SLC27A1: variants seen among roughly 807,000 people sequenced by gnomAD.
SLC27A1 encodes the protein solute carrier family 27 member 1.
SLC27A1 carries 61 observed loss-of-function variants against 62.2 expected under a neutral mutation model. The observed-to-expected ratio is 0.98, with a 90% CI of 0.80 to 1.21. The LOEUF (loss-of-function observed/expected upper bound fraction) is 1.21. Ranked by LOEUF, SLC27A1 falls within the 50% of genes most tolerant of loss-of-function variation. The pLI is 0.00. For missense variants in SLC27A1, 903 were observed against 932.1 expected (o/e 0.97, Z 0.41); for synonymous variants, 435 against 408.6 (o/e 1.06, Z -0.78).
intron 6 of SLC27A1, among the ~76,000 whole-genome samples, chr19:17,493,915 A>T (rs2075321142): frequency 6.6e-6 from 1 of 151,806 alleles, no homozygotes; most frequent in Non-Finnish European, 1.5e-5. Flanking sequence ...CATGAGCCAC[A>T]GCAGCCGGCT....
In SLC27A1 at chr19:17,486,414, C is replaced by T. The variant is rs2075229584; in HGVS notation, c.168-149C>T. ...TGGTAAATGGCCCTTGCCCTTGGTC[C>T]ACTGAGAGATCCAGCCACCAAAAGT... On this transcript the variant is annotated intron_variant, in intron 1 of 11. Coordinates refer to ENST00000252595, the MANE Select transcript of SLC27A1 (RefSeq NM_198580.3). The surrounding 1 kb of genome is among the most constrained non-coding windows in gnomAD (Gnocchi z 6.6). 6 of 934,846 alleles carry T rather than the reference C, an allele frequency of 6.4e-6. No individual in the cohort carries two copies. Among genetic ancestry groups the T allele is most frequent in the Non-Finnish European group, 1.6e-6 (1 of 645,052 alleles). The allele number at this position is 934,846 out of a possible 1,614,324, so 57.9% of individuals were successfully genotyped here. A position where few individuals can be genotyped will look rare whatever the true frequency, so the allele number is the denominator to read the frequency against.
At chr19:17,490,868 A>G (rs1568418461) in intron 6 of SLC27A1, among the ~76,000 whole-genome samples, 1 of 151,880 alleles carries the variant, frequency 6.6e-6, no homozygotes, top group African/African-American at 2.4e-5. Flanking sequence ...TCTCTACTAA[A>G]AATACAGAAA....
intron 6 of SLC27A1, among the ~76,000 whole-genome samples, chr19:17,493,896 G>T (rs1903279208): frequency 6.6e-6 from 1 of 152,100 alleles, no homozygotes; most frequent in African/African-American, 2.4e-5. Flanking sequence ...AAACTGCTGG[G>T]ATTACAGCCA....
At chr19:17,470,467 C>T, upstream of SLC27A1, 1 of 1,347,566 alleles carries the variant, frequency 7.4e-7, no homozygotes, top group Non-Finnish European at 9.5e-7. Flanking sequence ...GAGGCGGGGG[C>T]GGTCGTGGGG....
At chr19:17,477,011 C>T (rs775771071) in intron 1 of SLC27A1, among the ~76,000 whole-genome samples, 13 of 150,708 alleles carry the variant, frequency 8.6e-5, no homozygotes, top group Non-Finnish European at 1.8e-4. Flanking sequence ...GGCTCAGCCT[C>T]CCAAGTAGCT....
chr19:17,503,300 T>G (rs1007376119), intron 11 of SLC27A1: 1 of 152,170 alleles, frequency 6.6e-6, no homozygotes, highest in Non-Finnish European at 1.5e-5. Flanking sequence ...AGTCCTGGGC[T>G]CAGGCAAACT....
At position 17,505,233 on chromosome 19, in the gene SLC27A1, C is replaced by A; in HGVS notation, c.*621C>A. On this transcript the variant is annotated 3_prime_UTR_variant, in exon 12 of 12. Coordinates refer to ENST00000252595, the MANE Select transcript of SLC27A1 (RefSeq NM_198580.3). ...CCTCTCCTGCCGAGAGTGGAACACG[C>A]GTGTCCTGGGAGCTGCATCTTGTGT... 7.5e-6 allele frequency: 2 copies of A among 268,438 alleles called. No individual in the cohort carries two copies. The highest frequency in any genetic ancestry group is 5.0e-5 in the Admixed American group (1 of 19,870). The allele number at this position is 268,438 out of a possible 1,614,324, so 16.6% of individuals were successfully genotyped here.
intron 1 of SLC27A1, among the ~76,000 whole-genome samples, chr19:17,480,050 CGG>C (rs373357063): frequency 3.9e-5 from 6 of 152,092 alleles, no homozygotes; most frequent in African/African-American, 1.4e-4. Context: ...TTTTTTGAGA[CGG>C]AGTCTCACTC....
chr19:17,483,344 G>A (rs780323987), intron 1 of SLC27A1, among the ~76,000 whole-genome samples: 2 of 152,104 alleles, frequency 1.3e-5, no homozygotes, highest in Admixed American at 1.3e-4. Context: ...TAAGCATGGT[G>A]CATGGGCCAT....
chr19:17,503,964 T>C (rs2075446349), intron 11 of SLC27A1, among the ~76,000 whole-genome samples: 1 of 149,374 alleles, frequency 6.7e-6, no homozygotes, highest in Non-Finnish European at 1.5e-5. Context: ...AAAAGGGTTT[T>C]TGCAGAGACA....
chr19:17,480,516 G>A (rs1166333664), intron 1 of SLC27A1, among the ~76,000 whole-genome samples: 1 of 144,144 alleles, frequency 6.9e-6, no homozygotes, highest in Non-Finnish European at 1.5e-5. Context: ...GACTATACAT[G>A]CCACAATGGC....
chr19:17,473,584 G>A (rs2075096467), intron 1 of SLC27A1, among the ~76,000 whole-genome samples: 1 of 152,138 alleles, frequency 6.6e-6, no homozygotes, highest in Admixed American at 6.6e-5. Flanking sequence ...TAACTCGGCT[G>A]GGCGCGGTGG....
In SLC27A1 at chr19:17,500,733, A is replaced by C; in HGVS notation, c.1493A>C (p.Glu498Ala). 2 of 1,614,040 alleles carry C rather than the reference A, an allele frequency of 1.2e-6. No homozygotes were observed. Among genetic ancestry groups the C allele is most frequent in the Non-Finnish European group, 1.7e-6 (2 of 1,180,010 alleles). The part of the protein sequence containing the change: ...YLSGDVLVMD[E>A]LGYMYFRDRS... ...CCAGGTGACGTGCTAGTGATGGATG[A>C]GCTGGGCTACATGTACTTCCGGGAC... The change falls in exon 10 of 12, where the codon GAG becomes GCG. Residue 498 changes from glutamate to alanine, a missense_variant. By Grantham distance (107) the Glu-to-Ala change is moderately radical. Coordinates refer to ENST00000252595, the MANE Select transcript of SLC27A1 (RefSeq NM_198580.3).
At chr19:17,500,952 C>T in intron 10 of SLC27A1, 76 bp downstream of exon 10, 2 of 1,448,700 alleles carry the variant, frequency 1.4e-6, no homozygotes, top group Non-Finnish European at 1.8e-6. Context: ...TAGAAGTACA[C>T]ATGCCTTTGG....
chr19:17,504,341 T>G (rs2075451503), intron 11 of SLC27A1, 114 bp from the exon 12 acceptor site: 1 of 1,330,770 alleles, frequency 7.5e-7, no homozygotes, highest in Non-Finnish European at 1.0e-6. Flanking sequence ...GGAAGAACAT[T>G]CCTGCCCAGG....
Position 17,500,874 on chromosome 19 carries a change from C to T in SLC27A1, c.1634C>T (p.Pro545Leu), listed in dbSNP as rs1195660974. 1.9e-6 allele frequency: 3 copies of T among 1,605,462 alleles called. No homozygotes were observed. The highest frequency in any genetic ancestry group is 2.5e-6 in the Non-Finnish European group (3 of 1,177,196). Reference protein sequence around the residue: ...TDVAVYGVAVPGVEGKAGMAA... With the variant: ...TDVAVYGVAVLGVEGKAGMAA... ...GTGGCCGTCTATGGGGTGGCTGTTC[C>T]AGGCAAGCTGGGGTTGCAGGGGGTG... The change falls in exon 10 of 12, where the codon CCA becomes CTA. Residue 545 changes from proline to leucine, a missense_variant and splice_region_variant. Pro to Leu is a moderately conservative substitution (Grantham distance 98). Coordinates refer to ENST00000252595, the MANE Select transcript of SLC27A1 (RefSeq NM_198580.3).
chr19:17,470,636 C>T lies in SLC27A1; in HGVS notation c.96C>T (p.Leu32=), dbSNP rs1207709966. 6.3e-7 allele frequency: 1 copy of T among 1,577,824 alleles called. No individual in the cohort carries two copies. The highest frequency in any genetic ancestry group is 8.6e-7 in the Non-Finnish European group (1 of 1,169,014). The change falls in exon 1 of 12, where the codon CTC becomes CTT. Residue 32 remains leucine, a synonymous_variant. Coordinates refer to ENST00000252595, the MANE Select transcript of SLC27A1 (RefSeq NM_198580.3). ...LPWTWSAAAA[L]GVYVGSGGWR... ...GGACCTGGAGCGCGGCAGCGGCGCT[C>T]GGCGTGTACGTGGGCAGCGGCGGCT...
chr19:17,480,924 A>G (rs1442550138), intron 1 of SLC27A1, among the ~76,000 whole-genome samples: 1 of 147,376 alleles, frequency 6.8e-6, no homozygotes, highest in African/African-American at 2.5e-5. Context: ...TGGTATTTGG[A>G]TTTCTTTTTT....
At chr19:17,500,438 G>A in intron 8 of SLC27A1, 34 bp downstream of exon 8, 1 of 1,612,656 alleles carries the variant, frequency 6.2e-7, no homozygotes, top group Non-Finnish European at 8.5e-7. Context: ...CCCACCCGGA[G>A]CAGGGGTCCC....
Sources: allele counts gnomAD v4.1 joint callset (sites outside exome capture counted in the v4.1 genomes callset), GRCh38; gene constraint gnomAD v4.1.1; non-coding constraint Gnocchi (gnomAD v3.1); transcripts MANE v1.5; gene names NCBI Gene and HGNC (gene_info 2026-07-23, HGNC 2026-07-21).